NKAIN2: variants seen among roughly 807,000 people sequenced by gnomAD.
NKAIN2 encodes sodium/potassium-transporting ATPase subunit beta-1-interacting protein 2.
Under a neutral mutation model 32.6 loss-of-function variants are expected in NKAIN2, and 14 were observed. The ratio of observed to expected loss-of-function variants is 0.43; its 90% CI spans 0.28 to 0.67. The LOEUF is 0.67. Among genes scored for constraint, NKAIN2 ranks in the 30% least tolerant of loss-of-function variants. The pLI is 0.17. For synonymous variants in NKAIN2, 80 were observed against 87.2 expected (o/e 0.92, Z 0.46); for missense variants, 198 against 258.3 (o/e 0.77, Z 1.60).
intron 4 of NKAIN2, among the ~76,000 whole-genome samples, chr6:124,727,486 A>G (rs1215861570): frequency 6.7e-6 from 1 of 149,886 alleles, no homozygotes; most frequent in Non-Finnish European, 1.5e-5. Context: ...GAAATAAAAT[A>G]CTTTACAGAC....
intron 3 of NKAIN2, among the ~76,000 whole-genome samples, chr6:124,637,559 A>G (rs1272452131): frequency 2.0e-5 from 3 of 152,046 alleles, no homozygotes; most frequent in Admixed American, 2.0e-4. Context: ...CTTAGAATAA[A>G]TTTACTAAAG....
chr6:124,355,573 T>C (rs1233023671), intron 3 of NKAIN2, among the ~76,000 whole-genome samples: 1 of 152,212 alleles, frequency 6.6e-6, no homozygotes, highest in African/African-American at 2.4e-5. Flanking sequence ...TTGCTTATTA[T>C]AGTGACCAGG....
rs549769104 is a variant in NKAIN2 at position 124,360,620 on chromosome 6, A to C, written c.273+5273A>C. On this transcript the variant is annotated intron_variant, in intron 3 of 6. Transcript: ENST00000368417. Reference sequence around the variant, plus strand: ...ATCTAAAGAAAAATAAAAATAATCCACCGGAGAAACTTTTAAATGTTATAT... The same window carrying C: ...ATCTAAAGAAAAATAAAAATAATCCCCCGGAGAAACTTTTAAATGTTATAT... Among the ~76,000 whole-genome samples the C allele has an allele frequency of 2.6e-5, 4 of 152,290 alleles. No homozygotes were observed. In the East Asian group the frequency reaches 7.7e-4, roughly 29 times the overall value.
intron 3 of NKAIN2, among the ~76,000 whole-genome samples, chr6:124,635,428 A>G (rs1394074747): frequency 6.6e-6 from 1 of 151,986 alleles, no homozygotes; most frequent in Non-Finnish European, 1.5e-5. Context: ...ATACAAAACT[A>G]CCAGAAAACA....
At chr6:124,485,890 C>A (rs771930201) in intron 3 of NKAIN2, among the ~76,000 whole-genome samples, 1 of 152,140 alleles carries the variant, frequency 6.6e-6, no homozygotes, top group African/African-American at 2.4e-5. Flanking sequence ...TGAAGACATG[C>A]AAGAGGTGTA....
At chr6:124,087,336 G>A (rs1028645897) in intron 1 of NKAIN2, among the ~76,000 whole-genome samples, 1 of 151,838 alleles carries the variant, frequency 6.6e-6, no homozygotes, top group Admixed American at 6.6e-5. Context: ...GTTGAGAAAC[G>A]AGAAGCTTTT....
chr6:124,517,362 TG>T (rs1583372995), intron 3 of NKAIN2, among the ~76,000 whole-genome samples: 1 of 152,310 alleles, frequency 6.6e-6, no homozygotes, highest in East Asian at 1.9e-4. Flanking sequence ...ATACAATAAC[TG>T]ATGAGCTCTA....
At chr6:124,055,705 C>T (rs150768457) in intron 1 of NKAIN2, among the ~76,000 whole-genome samples, 25 of 152,060 alleles carry the variant, frequency 1.6e-4, no homozygotes, top group African/African-American at 6.0e-4. Flanking sequence ...AAAATTATAG[C>T]ACAATGTGGA....
chr6:124,340,803 G>T (rs994088278), intron 2 of NKAIN2, among the ~76,000 whole-genome samples: 2 of 152,176 alleles, frequency 1.3e-5, no homozygotes, highest in South Asian at 2.1e-4. Context: ...GTTTAAAGAC[G>T]CTTCAGTGGC....
At chr6:124,465,641 A>G (rs1357605124) in intron 3 of NKAIN2, among the ~76,000 whole-genome samples, 2 of 151,396 alleles carry the variant, frequency 1.3e-5, no homozygotes, top group Non-Finnish European at 1.5e-5. Context: ...AAAAAAAAAA[A>G]AAAAAGAAAT....
chr6:124,552,485 G>A (rs538234), intron 3 of NKAIN2, among the ~76,000 whole-genome samples: 33,221 of 152,120 alleles, frequency 0.22, 3,884 homozygotes, highest in Middle Eastern at 0.32. Flanking sequence ...ACATAGACTG[G>A]TCTATGGAGA....
intron 3 of NKAIN2, among the ~76,000 whole-genome samples, chr6:124,626,495 A>C (rs1420906270): frequency 6.6e-6 from 1 of 152,120 alleles, no homozygotes; most frequent in Non-Finnish European, 1.5e-5. Context: ...TCACACAGAG[A>C]GGTATGTAAA....
intron 5 of NKAIN2, among the ~76,000 whole-genome samples, chr6:124,809,055 G>T (rs1780746342): frequency 6.6e-6 from 1 of 152,148 alleles, no homozygotes; most frequent in Non-Finnish European, 1.5e-5. Flanking sequence ...TGGCCATACT[G>T]CCCAAGGTAA....
intron 3 of NKAIN2, among the ~76,000 whole-genome samples, chr6:124,403,660 T>G (rs1318601944): frequency 6.6e-6 from 1 of 152,170 alleles, no homozygotes; most frequent in Non-Finnish European, 1.5e-5. Context: ...AGTGAACAAG[T>G]CATAATCTGG....
At chr6:124,388,532 C>G (rs149496187) in intron 3 of NKAIN2, among the ~76,000 whole-genome samples, 4 of 152,040 alleles carry the variant, frequency 2.6e-5, no homozygotes, top group African/African-American at 9.7e-5. Flanking sequence ...TTATTTCACT[C>G]CTCCCCTTCT....
chr6:124,732,332 AG>A, intron 4 of NKAIN2, among the ~76,000 whole-genome samples: 1 of 152,180 alleles, frequency 6.6e-6, no homozygotes, highest in East Asian at 1.9e-4. Flanking sequence ...CTCTTACGGA[AG>A]CTGAGGAATA....
In NKAIN2 at chr6:123,804,265, C is replaced by T. The variant is rs1392061869; in HGVS notation, c.54+11C>T. On this transcript the variant is annotated intron_variant, in intron 1 of 6. Transcript: ENST00000368417. ...TGTGGCATGCAACTGGTAAGTGACA[C>T]TTGGGTCCCCTTATTCTGTAATGTG... 1.2e-6 allele frequency: 2 copies of T among 1,608,890 alleles called. No homozygotes were observed. Among genetic ancestry groups the T allele is most frequent in the Admixed American group, 1.7e-5 (1 of 59,996 alleles).
intron 3 of NKAIN2, among the ~76,000 whole-genome samples, chr6:124,364,713 T>C (rs971257950): frequency 6.6e-6 from 1 of 151,754 alleles, no homozygotes; most frequent in African/African-American, 2.4e-5. Context: ...TAGCAAACTT[T>C]AACTGAAGGA....
chr6:124,771,852 G>C (rs1322565953), intron 4 of NKAIN2, among the ~76,000 whole-genome samples: 3 of 152,230 alleles, frequency 2.0e-5, no homozygotes, highest in African/African-American at 7.2e-5. Context: ...AGTTCTCTAG[G>C]TGAATGCAGT....
Sources: allele counts gnomAD v4.1 joint callset (sites outside exome capture counted in the v4.1 genomes callset), GRCh38; gene constraint gnomAD v4.1.1; transcripts MANE v1.5; gene names NCBI Gene and HGNC (gene_info 2026-07-23, HGNC 2026-07-21).